The following GALNTL5 variants were observed in gnomAD, a reference collection of about 807,000 sequenced individuals.
GALNTL5 encodes polypeptide N-acetylgalactosaminyltransferase like 5.
GALNTL5 carries 44 observed loss-of-function variants against 51.0 expected under a neutral mutation model. That is an observed-to-expected ratio of 0.86 (90% confidence interval 0.68 to 1.11). The LOEUF (loss-of-function observed/expected upper bound fraction) is 1.11, where lower values mean the gene tolerates loss of function less well. Ranked by LOEUF, GALNTL5 falls within the 50% of genes least tolerant of loss-of-function variation. The pLI is 0.00. For synonymous variants in GALNTL5, 192 were observed against 182.8 expected, an observed-to-expected ratio of 1.05 and a Z score of -0.41; for missense variants, 528 against 531.8, an observed-to-expected ratio of 0.99 and a Z score of 0.07.
intron 5 of GALNTL5, among the ~76,000 whole-genome samples, chr7:152,000,651 T>G (rs908261834): frequency 2.6e-5 from 4 of 152,184 alleles, no homozygotes; most frequent in Admixed American, 6.5e-5. Flanking sequence ...TGATTTTTAT[T>G]AACGTTTTTC....
At chr7:151,984,215 T>A (rs913912897) in intron 4 of GALNTL5, 9 of 152,260 alleles carry the variant, frequency 5.9e-5, no homozygotes, top group Admixed American at 4.6e-4. Flanking sequence ...GTGTATTCTT[T>A]CATGCTTACT....
At chr7:152,010,501 C>T (rs1586853252) in intron 7 of GALNTL5, among the ~76,000 whole-genome samples, 2 of 152,118 alleles carry the variant, frequency 1.3e-5, no homozygotes, top group Admixed American at 1.3e-4. Context: ...GGTGCGGCAG[C>T]TCACACCTAT....
At chr7:152,011,248 A>G (rs2081734544) in intron 7 of GALNTL5, among the ~76,000 whole-genome samples, 1 of 152,174 alleles carries the variant, frequency 6.6e-6, no homozygotes, top group Admixed American at 6.5e-5. Context: ...CAATGCTCTG[A>G]ATTTTTTTTC....
chr7:152,007,788 C>T, intron 6 of GALNTL5, 39 bp from the exon 7 acceptor site: 1 of 1,104,264 alleles, frequency 9.1e-7, no homozygotes, highest in Non-Finnish European at 1.4e-6. Flanking sequence ...GAATGACTTT[C>T]TCTGTGAAAT....
chr7:152,005,401 C>A (rs1053910770), intron 6 of GALNTL5, among the ~76,000 whole-genome samples: 5 of 152,186 alleles, frequency 3.3e-5, no homozygotes, highest in African/African-American at 1.2e-4. Flanking sequence ...TCCCTGCTGT[C>A]TCAGACCACA....
chr7:151,967,519 AG>A (rs2081075229), intron 2 of GALNTL5, 26 bp downstream of exon 2: 1 of 1,597,002 alleles, frequency 6.3e-7, no homozygotes, highest in African/African-American at 1.3e-5. Context: ...TTTTTCCGTT[AG>A]CCATTTGAAG....
intron 8 of GALNTL5, among the ~76,000 whole-genome samples, chr7:152,016,473 T>G (rs1236938506): frequency 6.6e-6 from 1 of 151,922 alleles, no homozygotes; most frequent in Non-Finnish European, 1.5e-5. Flanking sequence ...TTTCTTTCAC[T>G]TATGGGAGTG....
In GALNTL5 at chr7:152,005,616, C is replaced by T. The variant is rs1436260138; in HGVS notation, c.909-2211C>T. ...TGAGTCCCTTATGAGATGGATGGGC[C>T]AGAAGGACCTACTAAACCAATCTGG... On this transcript the variant is annotated intron_variant, in intron 6 of 8. Coordinates refer to ENST00000392800, the MANE Select transcript of GALNTL5 (RefSeq NM_145292.4). 5.9e-5 allele frequency among the ~76,000 whole-genome samples: 9 copies of T among 152,146 alleles called. No homozygotes were observed. The East Asian group carries it at 1.4e-3, about 23-fold the overall frequency.
intron 1 of GALNTL5, among the ~76,000 whole-genome samples, chr7:151,961,227 C>T (rs535662238): frequency 1.3e-3 from 194 of 151,748 alleles, no homozygotes; most frequent in African/African-American, 4.5e-3. Context: ...GTGGCTCACA[C>T]CTGTAATCCC....
Position 151,988,851 on chromosome 7 carries a change from C to T in GALNTL5, c.658+1570C>T, listed in dbSNP as rs139201332. On this transcript the variant is annotated intron_variant, in intron 5 of 8. Transcript: ENST00000392800. ...AAGTAGCTGGGATTACAGGTGCCCG[C>T]CACCATGCCGGCTAATTTTTGTACT... Among the ~76,000 whole-genome samples, 588 of 152,090 alleles carry T rather than the reference C, an allele frequency of 3.9e-3. 2 individuals are homozygous for T. The highest frequency in any genetic ancestry group is 6.8e-3 in the Middle Eastern group (2 of 294).
intron 8 of GALNTL5, among the ~76,000 whole-genome samples, chr7:152,016,399 C>T (rs955631053): frequency 5.4e-5 from 8 of 148,108 alleles, no homozygotes; most frequent in Admixed American, 4.0e-4. Context: ...AGCAAAACTC[C>T]GTCTCAAAAA....
At chr7:151,979,552 C>T (rs914077288) in intron 3 of GALNTL5, among the ~76,000 whole-genome samples, 19 of 151,808 alleles carry the variant, frequency 1.3e-4, no homozygotes, top group African/African-American at 3.6e-4. Flanking sequence ...CTCCACCTCC[C>T]GGGTTCAAGA....
At position 151,969,839 on chromosome 7, in the gene GALNTL5, C is replaced by T. The variant is rs2081107364; in HGVS notation, c.248-1106C>T. Among the ~76,000 whole-genome samples, 4 of 152,224 alleles carry T rather than the reference C, an allele frequency of 2.6e-5. 1 individual carries two copies. The South Asian group carries it at 8.3e-4, about 31-fold the overall frequency. ...GTTTTGCTTTTGAGATGGAGTCTCG[C>T]TCTGTCGCCCAGGCTGGAGTGCAGT... On this transcript the variant is annotated intron_variant, in intron 2 of 8. Coordinates refer to ENST00000392800, the MANE Select transcript of GALNTL5 (RefSeq NM_145292.4).
rs57116736 is a variant in GALNTL5 at position 152,001,072 on chromosome 7, A to ATT, written c.659-1631_659-1630dup. Among the ~76,000 whole-genome samples the ATT allele has an allele frequency of 4.9e-3, 705 of 144,286 alleles. 3 individuals are homozygous for ATT. The highest frequency in any genetic ancestry group is 0.011 in the Admixed American group (156 of 14,530). 94.7% of individuals were successfully genotyped at this position (144,286 alleles called of 152,430 possible). On this transcript the variant is annotated intron_variant, in intron 5 of 8. Coordinates refer to ENST00000392800, the MANE Select transcript of GALNTL5 (RefSeq NM_145292.4). ...AGGCACCCACCACCACACCTGGCTA[A>ATT]TTTTTTTTTTTTGTATTTTTAATAG...
chr7:152,016,404 C>CAAAAA (rs76767847), intron 8 of GALNTL5, among the ~76,000 whole-genome samples: 3 of 109,620 alleles, frequency 2.7e-5, no homozygotes, highest in African/African-American at 1.0e-4. Context: ...AACTCCGTCT[C>CAAAAA]AAAAAAAAAA....
chr7:151,969,562 C>G (rs998375454), intron 2 of GALNTL5, among the ~76,000 whole-genome samples: 2 of 151,928 alleles, frequency 1.3e-5, no homozygotes, highest in South Asian at 2.1e-4. Flanking sequence ...GATCCCTCCC[C>G]GGTTCCTCAT....
At chr7:151,995,818 A>C (rs1469774430) in intron 5 of GALNTL5, among the ~76,000 whole-genome samples, 2 of 152,214 alleles carry the variant, frequency 1.3e-5, no homozygotes, top group Non-Finnish European at 1.5e-5. Context: ...ATAAAATACA[A>C]AATATTAATG....
intron 5 of GALNTL5, among the ~76,000 whole-genome samples, chr7:151,999,959 T>A (rs1167690023): frequency 6.6e-6 from 1 of 152,282 alleles, no homozygotes; most frequent in South Asian, 2.1e-4. Context: ...TTGAGTCATG[T>A]TGTTAGAGAT....
In GALNTL5 at chr7:151,987,229, A is replaced by G; in HGVS notation, c.606A>G (p.Lys202=). The part of the protein sequence containing the change: ...FRGKVKIIRN[K]KREGLIRARL... ...GAAAGGTTAAAATAATAAGAAACAA[A>G]AAGAGAGAGGGGCTGATTCGAGCAA... The change falls in exon 5 of 9, where the codon AAA becomes AAG. Residue 202 remains lysine (K), a synonymous_variant. Coordinates refer to ENST00000392800, the MANE Select transcript of GALNTL5 (RefSeq NM_145292.4). 2 of 1,601,352 alleles carry G rather than the reference A, an allele frequency of 1.2e-6. No homozygotes were observed. The highest frequency in any genetic ancestry group is 1.7e-6 in the Non-Finnish European group (2 of 1,176,124).
Sources: allele counts gnomAD v4.1 joint callset (sites outside exome capture counted in the v4.1 genomes callset), GRCh38; gene constraint gnomAD v4.1.1; transcripts MANE v1.5; gene names NCBI Gene and HGNC (gene_info 2026-07-23, HGNC 2026-07-21).